The following GAS6 variants were observed in gnomAD, a reference collection of about 807,000 sequenced individuals.
GAS6 encodes growth arrest-specific protein 6.
GAS6 carries 41 observed loss-of-function variants against 75.8 expected under a neutral mutation model. That is an observed-to-expected ratio of 0.54 (90% CI 0.42 to 0.70). The LOEUF (loss-of-function observed/expected upper bound fraction) is 0.70. Among genes scored for constraint, GAS6 ranks in the 30% least tolerant of loss-of-function variants. GAS6 has a pLI of 0.00. For synonymous variants in GAS6, 432 were observed against 412.6 expected, an observed-to-expected ratio of 1.05 and a Z score of -0.57; for missense variants, 854 against 940.2, an observed-to-expected ratio of 0.91 and a Z score of 1.20.
At chr13:113,858,325 CTG>C (rs1289721282) in intron 2 of GAS6, among the ~76,000 whole-genome samples, 1 of 152,202 alleles carries the variant, frequency 6.6e-6, no homozygotes, top group African/African-American at 2.4e-5. Context: ...GTGTACATGT[CTG>C]TCAGTGTATG....
rs1490284582 is a variant in GAS6, at chr13:113,821,974, A to G, written c.1866T>C (p.Phe622=). The change falls in exon 14 of 15, where the codon TTT becomes TTC. Residue 622 remains phenylalanine, a synonymous_variant. Transcript: ENST00000327773. ...ERHLRSPVLT[F]AGGLPDVPVT... ...AGCACCTACCTGGCAGGCCGCCAGC[A>G]AAGGTGAGCACGGGGCTCCGCAGGT... 2 of 1,538,876 alleles carry G rather than the reference A, an allele frequency of 1.3e-6. No individual in the cohort carries two copies. The highest frequency in any genetic ancestry group is 1.4e-5 in the African/African-American group (1 of 73,258).
intron 12 of GAS6, among the ~76,000 whole-genome samples, chr13:113,824,097 C>CGTGG (rs2051499386): frequency 6.7e-5 from 6 of 88,898 alleles, no homozygotes; most frequent in South Asian, 3.9e-4. Flanking sequence ...TCAGGAGCAC[C>CGTGG]CGCGGTCTGA....
At chr13:113,828,225 C>T (rs538501226) in intron 11 of GAS6, among the ~76,000 whole-genome samples, 2 of 152,238 alleles carry the variant, frequency 1.3e-5, no homozygotes, top group Admixed American at 6.5e-5. Flanking sequence ...GATCGCGCCA[C>T]TGCACTCCAG....
intron 2 of GAS6, among the ~76,000 whole-genome samples, chr13:113,861,465 G>A (rs9577917): frequency 1.3e-5 from 2 of 152,152 alleles, no homozygotes; most frequent in South Asian, 2.1e-4. Context: ...TCAATCAGCC[G>A]CACTGCACAA....
chr13:113,829,241 A>C (rs35786320), intron 10 of GAS6, among the ~76,000 whole-genome samples: 1 of 94,866 alleles, frequency 1.1e-5, no homozygotes, highest in East Asian at 2.9e-4. Context: ...TCTCAGGCAG[A>C]CCACATGATC....
At chr13:113,832,982 C>A (rs764293223) in intron 8 of GAS6, 3 of 1,427,384 alleles carry the variant, frequency 2.1e-6, no homozygotes, top group South Asian at 2.9e-5. Flanking sequence ...CGGGGGTCCC[C>A]GTCATCTCCT....
At chr13:113,834,265 C>G (rs558422568) in intron 8 of GAS6, among the ~76,000 whole-genome samples, 2 of 152,292 alleles carry the variant, frequency 1.3e-5, no homozygotes, top group African/African-American at 4.8e-5. Context: ...ACGTTGGCTC[C>G]CTGGCACGCG....
chr13:113,835,660 AC>A (rs756981771), intron 6 of GAS6, 25 bp from the exon 7 acceptor site: 3 of 1,608,226 alleles, frequency 1.9e-6, no homozygotes, highest in Non-Finnish European at 2.5e-6. Flanking sequence ...AAACCGGCCA[AC>A]CGCAGCACAG....
At position 113,823,748 on chromosome 13, in the gene GAS6, G is replaced by C. The variant is rs184495947; in HGVS notation, c.1478-198C>G. Among the ~76,000 whole-genome samples, 5 of 152,324 alleles carry C rather than the reference G, an allele frequency of 3.3e-5. No individual in the cohort carries two copies. In the East Asian group the frequency reaches 9.7e-4, roughly 29 times the overall value. On this transcript the variant is annotated intron_variant, in intron 12 of 14. Transcript: ENST00000327773. ...GCCCAGAGGCACCGGGGACCCCCAG[G>C]CTGTTTCTCCCTGGCCACACCAGTA...
At chr13:113,852,931 C>A (rs1034535191) in intron 2 of GAS6, among the ~76,000 whole-genome samples, 3 of 152,168 alleles carry the variant, frequency 2.0e-5, no homozygotes, top group Non-Finnish European at 4.4e-5. Context: ...GTGACCTCCC[C>A]ATGCCACCGC....
At chr13:113,851,339 A>G (rs78299203) in intron 2 of GAS6, among the ~76,000 whole-genome samples, 12,518 of 150,832 alleles carry the variant, frequency 0.083, 646 homozygotes, top group East Asian at 0.17. Flanking sequence ...GAGTGGGTGG[A>G]TGGGTGAGTG....
In GAS6 at chr13:113,863,321, G is replaced by A. The variant is rs2051988008; in HGVS notation, c.255+254C>T. On this transcript the variant is annotated intron_variant, in intron 2 of 14. Transcript: ENST00000327773. The surrounding 1 kb of genome is among the most constrained non-coding windows in gnomAD (Gnocchi z 9.4). ...TCTCGCACTTTGGAAACGGACTCCC[G>A]GCTTCCCCGCGGGGAGGCGTCTGAC... 6.6e-6 allele frequency among the ~76,000 whole-genome samples: 1 copy of A among 152,122 alleles called. No individual in the cohort carries two copies. Among genetic ancestry groups the A allele is most frequent in the Non-Finnish European group, 1.5e-5 (1 of 68,004 alleles).
At chr13:113,849,975 G>A (rs949853677) in intron 2 of GAS6, among the ~76,000 whole-genome samples, 1 of 152,152 alleles carries the variant, frequency 6.6e-6, no homozygotes, top group Admixed American at 6.5e-5. Flanking sequence ...AAGAAAAAGA[G>A]ACATTTCACA....
Position 113,863,728 on chromosome 13 carries a change from C to A in GAS6, c.102G>T (p.Pro34=). 2.0e-6 allele frequency: 3 copies of A among 1,496,654 alleles called. No homozygotes were observed. Among genetic ancestry groups the A allele is most frequent in the Non-Finnish European group, 1.8e-6 (2 of 1,127,546 alleles). The allele number at this position is 1,496,654 out of a possible 1,614,324, so 92.7% of individuals were successfully genotyped here. A position where few individuals can be genotyped will look rare whatever the true frequency, so the allele number is the denominator to read the frequency against. Residue 34 remains proline (P), a synonymous_variant, in exon 2 of 15, where the codon CCG becomes CCT. Coordinates refer to ENST00000327773, the MANE Select transcript of GAS6 (RefSeq NM_000820.4). This position sits in a 1 kb window ranked among gnomAD's most constrained non-coding sequence, Gnocchi z 9.4. ...AAECALAALL[P]AREATQFLRP... is the part of the protein sequence containing the mutation. ...GCAGGAACTGCGTGGCCTCGCGCGCCGGCAACAGCGCGGCTGCCCGGAGGG... is the reference window on the plus strand; with the variant it reads ...GCAGGAACTGCGTGGCCTCGCGCGCAGGCAACAGCGCGGCTGCCCGGAGGG...
In GAS6 at chr13:113,863,790, C is replaced by A; in HGVS notation, c.88+43G>T. 1 of 1,403,740 alleles carries A rather than the reference C, an allele frequency of 7.1e-7. No individual in the cohort carries two copies. The allele number at this position is 1,403,740 out of a possible 1,614,324, so 87.0% of individuals were successfully genotyped here. On this transcript the variant is annotated intron_variant, in intron 1 of 14. Transcript: ENST00000327773. The surrounding 1 kb of genome is among the most constrained non-coding windows in gnomAD (Gnocchi z 9.4). The stretch of plus-strand genomic sequence containing the variant: ...CGCGTCAAGCCGCGCCCGGAGCCTC[C>A]TCCCGCCGCCCGGGGACGGGGTCTC...
chr13:113,837,053 T>G lies in GAS6; in HGVS notation c.589+1016A>C, dbSNP rs2051725421. ...CACGGGAGATGCTTTAGACGTCATCTCTCAGGATCGGCCTAGTCTTCACCT... is the reference window on the plus strand; with the variant it reads ...CACGGGAGATGCTTTAGACGTCATCGCTCAGGATCGGCCTAGTCTTCACCT... On this transcript the variant is annotated intron_variant, in intron 6 of 14. Transcript: ENST00000327773. The surrounding 1 kb of genome is among the most constrained non-coding windows in gnomAD (Gnocchi z 5.1). 6.6e-6 allele frequency among the ~76,000 whole-genome samples: 1 copy of G among 151,736 alleles called. No individual in the cohort carries two copies. Among genetic ancestry groups the G allele is most frequent in the Non-Finnish European group, 1.5e-5 (1 of 67,906 alleles).
At chr13:113,828,516 G>T in intron 11 of GAS6, 31 bp downstream of exon 11, 1 of 1,591,610 alleles carries the variant, frequency 6.3e-7, no homozygotes, top group South Asian at 1.1e-5. Flanking sequence ...AGCACACGGC[G>T]CGTCTACACA....
At chr13:113,830,697 G>A (rs1242724507) in intron 10 of GAS6, among the ~76,000 whole-genome samples, 2 of 108,684 alleles carry the variant, frequency 1.8e-5, no homozygotes, top group Non-Finnish European at 3.6e-5. Flanking sequence ...CACCTGCCCC[G>A]GGCCCCTCCT....
intron 8 of GAS6, among the ~76,000 whole-genome samples, chr13:113,834,290 G>A (rs983967920): frequency 2.6e-5 from 4 of 152,190 alleles, no homozygotes; most frequent in African/African-American, 7.2e-5. Flanking sequence ...AGTGGGGACC[G>A]TGCCCCCGTG....
Sources: gnomAD v4.1 joint callset for allele counts (sites outside exome capture counted in the v4.1 genomes callset) on GRCh38, gnomAD v4.1.1 for gene constraint, Gnocchi (gnomAD v3.1) non-coding constraint, MANE v1.5 for transcripts, NCBI Gene and HGNC (gene_info 2026-07-23, HGNC 2026-07-21) for gene names.